The following ARSG variants were observed in gnomAD, a reference collection of about 807,000 sequenced individuals.
The protein encoded by ARSG is ASG.
ARSG carries 37 observed loss-of-function variants against 50.5 expected under a neutral mutation model. That is an observed-to-expected ratio of 0.73 (90% CI 0.56 to 0.96). The LOEUF (loss-of-function observed/expected upper bound fraction) is 0.96, where lower values mean the gene tolerates loss of function less well. Among genes scored for constraint, ARSG ranks in the 50% least tolerant of loss-of-function variants. ARSG has a pLI of 0.00. For missense variants in ARSG, 629 were observed against 675.3 expected (o/e 0.93, Z 0.76); for synonymous variants, 225 against 254.6 (o/e 0.88, Z 1.11).
chr17:68,398,451 AT>A (rs2081344134), intron 10 of ARSG, among the ~76,000 whole-genome samples: 1 of 152,240 alleles, frequency 6.6e-6, no homozygotes, highest in Admixed American at 6.5e-5. Flanking sequence ...ACAGATGCAT[AT>A]GTCTGTAACA....
chr17:68,371,481 A>G (rs977746386), intron 8 of ARSG, among the ~76,000 whole-genome samples: 2 of 152,118 alleles, frequency 1.3e-5, no homozygotes, highest in African/African-American at 4.8e-5. Flanking sequence ...TCTCTATTTC[A>G]ACATCTTCCA....
intron 2 of ARSG, among the ~76,000 whole-genome samples, chr17:68,342,300 C>G (rs2078302432): frequency 6.6e-6 from 1 of 150,720 alleles, no homozygotes; most frequent in Non-Finnish European, 1.5e-5. Flanking sequence ...ATGAATGCTG[C>G]TGTGTAAAGA....
intron 1 of ARSG, among the ~76,000 whole-genome samples, chr17:68,260,792 C>G (rs1375426074): frequency 6.6e-6 from 1 of 151,864 alleles, no homozygotes; most frequent in Non-Finnish European, 1.5e-5. Flanking sequence ...CATGGCCGGC[C>G]AAGAGTTGCA....
At chr17:68,272,082 T>C (rs2075359815) in intron 1 of ARSG, among the ~76,000 whole-genome samples, 2 of 152,328 alleles carry the variant, frequency 1.3e-5, no homozygotes, top group Middle Eastern at 3.4e-3. Flanking sequence ...ATTACAGGCA[T>C]GAGCCACTGC....
At chr17:68,431,511 C>T in the ARSG span, among the ~76,000 whole-genome samples, 6 of 152,042 alleles carry the variant, frequency 3.9e-5, no homozygotes, top group African/African-American at 1.4e-4. Context: ...GGACTTCATT[C>T]CCAAGGTCAA....
intron 11 of ARSG, among the ~76,000 whole-genome samples, chr17:68,408,823 G>T (rs2081867563): frequency 6.6e-6 from 1 of 151,860 alleles, no homozygotes; most frequent in Non-Finnish European, 1.5e-5. Flanking sequence ...CATTCTAACT[G>T]GTGTGAGATG....
At chr17:68,292,380 A>AT (rs1418137849) in intron 1 of ARSG, among the ~76,000 whole-genome samples, 1 of 152,138 alleles carries the variant, frequency 6.6e-6, no homozygotes, top group Non-Finnish European at 1.5e-5. Context: ...AACTAAGCGG[A>AT]TGATGCACGC....
chr17:68,358,347 ATTC>A (rs2017889157), intron 6 of ARSG, among the ~76,000 whole-genome samples: 1 of 152,150 alleles, frequency 6.6e-6, no homozygotes, highest in Non-Finnish European at 1.5e-5. Flanking sequence ...GAGGCCAGGA[ATTC>A]CAGACTAGCC....
At chr17:68,362,528 C>T (rs928266505) in intron 6 of ARSG, among the ~76,000 whole-genome samples, 1 of 152,142 alleles carries the variant, frequency 6.6e-6, no homozygotes, top group Non-Finnish European at 1.5e-5. Context: ...ATTTGGTTCC[C>T]CTGTTACACC....
Position 68,401,092 on chromosome 17 carries a change from T to C in ARSG, c.1213-268T>C. ...AGGCTGGAGTGCAGTGGTATGATCATAGCTCACTGCAGCGTTGACCTCCCA... is the reference window on the plus strand; with the variant it reads ...AGGCTGGAGTGCAGTGGTATGATCACAGCTCACTGCAGCGTTGACCTCCCA... On this transcript the variant is annotated intron_variant, in intron 10 of 11. Transcript: ENST00000621439. 3 of 428,618 alleles carry C rather than the reference T, an allele frequency of 7.0e-6. No individual in the cohort carries two copies. In the South Asian group the frequency reaches 8.5e-5, roughly 12 times the overall value. The allele number at this position is 428,618 out of a possible 1,614,324, so 26.6% of individuals were successfully genotyped here.
the ARSG span, among the ~76,000 whole-genome samples, chr17:68,446,462 A>G: frequency 0.44 from 66,506 of 151,980 alleles, 14,937 homozygotes; most frequent in Middle Eastern, 0.52. Flanking sequence ...GATTACAAGC[A>G]TGAGCTACTG....
At chr17:68,350,268 C>T (rs752681519) in intron 4 of ARSG, among the ~76,000 whole-genome samples, 1 of 152,064 alleles carries the variant, frequency 6.6e-6, no homozygotes, top group East Asian at 1.9e-4. Flanking sequence ...GGGCCAAAAA[C>T]GATTTGGAGG....
chr17:68,405,069 T>C (rs1600117008), intron 11 of ARSG, among the ~76,000 whole-genome samples: 2 of 152,134 alleles, frequency 1.3e-5, no homozygotes, highest in East Asian at 3.8e-4. Context: ...ACCACACTGT[T>C]TTAATTACTG....
In ARSG at chr17:68,378,488, T is replaced by C. The variant is rs923789034; in HGVS notation, c.983-6576T>C. On this transcript the variant is annotated intron_variant, in intron 8 of 11. Coordinates refer to ENST00000621439, the MANE Select transcript of ARSG (RefSeq NM_001267727.2). This position sits in a 1 kb window ranked among gnomAD's most constrained non-coding sequence, Gnocchi z 4.4. ...GCGTGTGGACTGAGAATGCTCCACT[T>C]GGCTTGTGCCCTGCAGGGGTGAGGA... Among the ~76,000 whole-genome samples, 3 of 152,176 alleles carry C rather than the reference T, an allele frequency of 2.0e-5. No homozygotes were observed. The highest frequency in any genetic ancestry group is 7.2e-5 in the African/African-American group (3 of 41,446).
intron 2 of ARSG, among the ~76,000 whole-genome samples, chr17:68,325,981 T>C (rs1356062245): frequency 6.6e-6 from 1 of 152,070 alleles, no homozygotes; most frequent in East Asian, 1.9e-4. Context: ...TGGGAAACTA[T>C]CATTAGGTCT....
intron 8 of ARSG, among the ~76,000 whole-genome samples, chr17:68,376,518 TG>T (rs2080159589): frequency 6.6e-6 from 1 of 151,784 alleles, no homozygotes; most frequent in African/African-American, 2.4e-5. Flanking sequence ...CTGAAACTCC[TG>T]GGCTCAAGCA....
At chr17:68,342,004 G>T (rs1398247289) in intron 2 of ARSG, among the ~76,000 whole-genome samples, 3 of 151,834 alleles carry the variant, frequency 2.0e-5, no homozygotes, top group Non-Finnish European at 4.4e-5. Flanking sequence ...ATTTTTTGTG[G>T]AGATGGGGTT....
At chr17:68,275,072 G>A (rs2075470395) in intron 1 of ARSG, among the ~76,000 whole-genome samples, 2 of 152,140 alleles carry the variant, frequency 1.3e-5, no homozygotes, top group Non-Finnish European at 2.9e-5. Context: ...GAGCCACCGC[G>A]CCCAGCCTAG....
At chr17:68,439,621 G>A in the ARSG span, among the ~76,000 whole-genome samples, 1 of 152,176 alleles carries the variant, frequency 6.6e-6, no homozygotes, top group South Asian at 2.1e-4. Flanking sequence ...AATTGTATAG[G>A]ATGTGAATTT....
Sources: allele counts gnomAD v4.1 joint callset (sites outside exome capture counted in the v4.1 genomes callset), GRCh38; gene constraint gnomAD v4.1.1; non-coding constraint Gnocchi (gnomAD v3.1); transcripts MANE v1.5; gene names NCBI Gene and HGNC (gene_info 2026-07-23, HGNC 2026-07-21).